MRTFB: variants seen among roughly 807,000 people sequenced by gnomAD.
The protein encoded by MRTFB is myocardin related transcription factor B.
MRTFB carries 29 observed loss-of-function variants against 104.2 expected under a neutral mutation model. The observed-to-expected ratio is 0.28, with a 90% CI of 0.21 to 0.38. The LOEUF (loss-of-function observed/expected upper bound fraction) is 0.38, where lower values mean the gene tolerates loss of function less well. MRTFB is among the 10% of genes least tolerant of loss of function. The probability of loss-of-function intolerance (pLI) is 1.00; values close to 1 mark genes in which losing one functional copy is unlikely to be tolerated. For missense variants in MRTFB, 1,270 were observed against 1,341.6 expected, an observed-to-expected ratio of 0.95 and a Z score of 0.83; for synonymous variants, 535 against 519.5, an observed-to-expected ratio of 1.03 and a Z score of -0.41.
At chr16:14,113,957 A>G (rs8052197) in intron 2 of MRTFB, among the ~76,000 whole-genome samples, 20,668 of 152,132 alleles carry the variant, frequency 0.14, 1,994 homozygotes, top group East Asian at 0.29. Flanking sequence ...TAATGTGTCA[A>G]TGCTAGTTTT....
intron 13 of MRTFB, among the ~76,000 whole-genome samples, chr16:14,250,304 G>T (rs2043201864): frequency 6.6e-6 from 1 of 152,180 alleles, no homozygotes; most frequent in Non-Finnish European, 1.5e-5. Context: ...AGGTTTTTTA[G>T]AATATTAGTG....
chr16:14,042,179 G>A, the MRTFB span, among the ~76,000 whole-genome samples: 35 of 151,998 alleles, frequency 2.3e-4, no homozygotes, highest in Non-Finnish European at 4.7e-4. Flanking sequence ...AGGCTGGAGT[G>A]CAATGGCGTG....
the MRTFB span, among the ~76,000 whole-genome samples, chr16:14,017,649 G>T: frequency 3.7e-4 from 25 of 68,038 alleles, 1 homozygote; most frequent in South Asian, 1.2e-3. Flanking sequence ...ATGTATATAT[G>T]TGTGTGTGTG....
intron 3 of MRTFB, among the ~76,000 whole-genome samples, chr16:14,159,605 C>T (rs2038951640): frequency 6.6e-6 from 1 of 152,150 alleles, no homozygotes; most frequent in African/African-American, 2.4e-5. Flanking sequence ...ATCTTTGTAA[C>T]GCCTGAAGTT....
chr16:14,142,245 C>CTTTTTTTTTTTTT (rs71999049), intron 3 of MRTFB: 6 of 122,178 alleles, frequency 4.9e-5, no homozygotes, highest in African/African-American at 1.6e-4. Context: ...TCTTTTCTTT[C>CTTTTTTTTTTTTT]TTTTTTTTTT....
At chr16:14,081,442 G>A (rs1484669395) in intron 2 of MRTFB, among the ~76,000 whole-genome samples, 2 of 151,928 alleles carry the variant, frequency 1.3e-5, no homozygotes, top group African/African-American at 4.8e-5. Flanking sequence ...ACAGGCATCC[G>A]CCATCATGCC....
chr16:14,013,317 G>A, the MRTFB span: 1 of 152,128 alleles, frequency 6.6e-6, no homozygotes, highest in Admixed American at 6.5e-5. Flanking sequence ...CAAAAGCAGT[G>A]GCACCAATTT....
chr16:14,149,304 G>T (rs899067145), intron 3 of MRTFB: 1 of 152,084 alleles, frequency 6.6e-6, no homozygotes, highest in African/African-American at 2.4e-5. Flanking sequence ...TTGATATATG[G>T]CCTCTGCGTT....
intron 3 of MRTFB, among the ~76,000 whole-genome samples, chr16:14,183,803 CACAACTTTTGATATA>C (rs776006246): frequency 3.7e-4 from 56 of 152,198 alleles, no homozygotes; most frequent in Non-Finnish European, 7.2e-4. Flanking sequence ...ACTACAAAGA[CACAACTTTTGATATA>C]AACCTACAGC....
the MRTFB span, among the ~76,000 whole-genome samples, chr16:14,057,152 G>A: frequency 2.6e-5 from 4 of 152,170 alleles, no homozygotes; most frequent in Non-Finnish European, 5.9e-5. Context: ...CAGTGGGGGT[G>A]CAAGAGGGTC....
intron 2 of MRTFB, among the ~76,000 whole-genome samples, chr16:14,079,800 C>T (rs1693791692): frequency 6.6e-6 from 1 of 151,356 alleles, no homozygotes; most frequent in East Asian, 1.9e-4. Context: ...TATAAAACAA[C>T]ATAATGATAG....
intron 8 of MRTFB, among the ~76,000 whole-genome samples, chr16:14,224,090 A>AGAGT (rs2041882100): frequency 6.6e-6 from 1 of 152,142 alleles, no homozygotes; most frequent in African/African-American, 2.4e-5. Context: ...ACAGCAGGAG[A>AGAGT]GAGCGAGCGA....
At chr16:14,137,693 T>G (rs2037791296) in intron 2 of MRTFB, among the ~76,000 whole-genome samples, 1 of 152,142 alleles carries the variant, frequency 6.6e-6, no homozygotes, top group South Asian at 2.1e-4. Context: ...GAAGTCTACT[T>G]TATTTGATAT....
chr16:14,246,924 C>T lies in MRTFB; in HGVS notation c.1664C>T (p.Pro555Leu), dbSNP rs761974465. The change falls in exon 12 of 17, where the codon CCC (proline) becomes CTC (leucine). Residue 555 changes from proline to leucine, a missense_variant. Pro to Leu is a moderately conservative substitution (Grantham distance 98, BLOSUM62 -3). Coordinates refer to ENST00000571589, the MANE Select transcript of MRTFB (RefSeq NM_001308142.2). ...ACAAATAATGAAGACAGTCTGAGTC[C>T]CACCAGCAGCACTCTGTCAAACCTG... ...RMTNNEDSLS[P>L]TSSTLSNLEL... 1.9e-6 allele frequency: 3 copies of T among 1,613,898 alleles called. No homozygotes were observed. Among genetic ancestry groups the T allele is most frequent in the Admixed American group, 3.3e-5 (2 of 60,008 alleles).
chr16:14,089,075 A>G (rs1251698273), intron 2 of MRTFB, among the ~76,000 whole-genome samples: 1 of 152,228 alleles, frequency 6.6e-6, no homozygotes, highest in Non-Finnish European at 1.5e-5. Flanking sequence ...TCTTGTAGCA[A>G]GCAGAGTGAT....
chr16:14,135,212 G>T (rs2037648008), intron 2 of MRTFB, among the ~76,000 whole-genome samples: 1 of 152,014 alleles, frequency 6.6e-6, no homozygotes, highest in Admixed American at 6.5e-5. Context: ...CTTTCCAACT[G>T]CCCAAATCTG....
intron 2 of MRTFB, among the ~76,000 whole-genome samples, chr16:14,100,717 T>C (rs1200338368): frequency 6.6e-6 from 1 of 152,238 alleles, no homozygotes; most frequent in Non-Finnish European, 1.5e-5. Flanking sequence ...ATGTTTTCTT[T>C]GAGAGATTTT....
At chr16:14,114,150 G>C (rs1455480263) in intron 2 of MRTFB, among the ~76,000 whole-genome samples, 1 of 152,138 alleles carries the variant, frequency 6.6e-6, no homozygotes, top group South Asian at 2.1e-4. Context: ...CTTTAATGTT[G>C]CCAATGTCTT....
the MRTFB span, among the ~76,000 whole-genome samples, chr16:14,036,594 T>G: frequency 1.3e-5 from 2 of 150,896 alleles, no homozygotes; most frequent in Non-Finnish European, 2.9e-5. Context: ...TGTTGAAATA[T>G]ATACATTCCA....
Sources: allele counts gnomAD v4.1 joint callset (sites outside exome capture counted in the v4.1 genomes callset), GRCh38; gene constraint gnomAD v4.1.1; transcripts MANE v1.5; gene names NCBI Gene and HGNC (gene_info 2026-07-23, HGNC 2026-07-21).